SPATA16: variants seen among roughly 807,000 people sequenced by gnomAD.
The protein encoded by SPATA16 is spermatogenesis-associated protein 16.
In SPATA16, 36 loss-of-function variants were observed where a neutral mutation model predicts 63.3. The observed-to-expected ratio is 0.57, with a 90% CI of 0.44 to 0.75. SPATA16 has a LOEUF of 0.75. SPATA16 is among the 30% of genes least tolerant of loss of function. The probability of loss-of-function intolerance (pLI) is 0.00; values close to 1 mark genes in which losing one functional copy is unlikely to be tolerated. For missense variants in SPATA16, 646 were observed against 679.3 expected (o/e 0.95, Z 0.54); for synonymous variants, 203 against 216.7 (o/e 0.94, Z 0.56).
intron 5 of SPATA16, among the ~76,000 whole-genome samples, chr3:172,959,473 T>C (rs570496583): frequency 6.6e-6 from 1 of 152,168 alleles, no homozygotes; most frequent in African/African-American, 2.4e-5. Flanking sequence ...TAGAGATGGG[T>C]TCTTCCATGG....
intron 5 of SPATA16, among the ~76,000 whole-genome samples, chr3:172,964,119 A>C (rs534724312): frequency 6.6e-6 from 1 of 152,152 alleles, no homozygotes; most frequent in East Asian, 1.9e-4. Flanking sequence ...TTCATCACTC[A>C]CACCTACTGG....
intron 9 of SPATA16, among the ~76,000 whole-genome samples, chr3:172,915,778 A>T (rs1419670433): frequency 6.6e-6 from 1 of 152,130 alleles, no homozygotes; most frequent in East Asian, 1.9e-4. Flanking sequence ...AGCTAAAAAA[A>T]CCCCATCTAT....
chr3:173,070,800 A>C (rs1736656188), intron 2 of SPATA16, among the ~76,000 whole-genome samples: 1 of 152,228 alleles, frequency 6.6e-6, no homozygotes, highest in African/African-American at 2.4e-5. Context: ...CATTGATGAA[A>C]GAAATTGAAG....
At chr3:172,924,119 C>G (rs1334594565) in intron 8 of SPATA16, 89 bp downstream of exon 8, 1 of 1,092,154 alleles carries the variant, frequency 9.2e-7, no homozygotes, top group South Asian at 1.3e-5. Flanking sequence ...TCCCCTAACA[C>G]TTGCACTATT....
At chr3:172,972,676 G>GC (rs1734073997) in intron 5 of SPATA16, among the ~76,000 whole-genome samples, 1 of 151,408 alleles carries the variant, frequency 6.6e-6, no homozygotes, top group South Asian at 2.1e-4. Flanking sequence ...AAAACTATAA[G>GC]CTTTTTTTTT....
At chr3:173,036,230 A>C (rs1339760394) in intron 3 of SPATA16, among the ~76,000 whole-genome samples, 1 of 152,066 alleles carries the variant, frequency 6.6e-6, no homozygotes, top group African/African-American at 2.4e-5. Context: ...CTAAAAAATG[A>C]AATGTGTGCC....
chr3:173,095,806 C>CA (rs1737337277), intron 2 of SPATA16, among the ~76,000 whole-genome samples: 1 of 152,170 alleles, frequency 6.6e-6, no homozygotes. Context: ...TGTGCTACCA[C>CA]ATGCTACTCA....
At chr3:172,939,589 G>A (rs1471540681) in intron 6 of SPATA16, among the ~76,000 whole-genome samples, 2 of 152,218 alleles carry the variant, frequency 1.3e-5, no homozygotes, top group African/African-American at 4.8e-5. Flanking sequence ...AGCAAAATTT[G>A]TTGGTGAAGC....
intron 2 of SPATA16, among the ~76,000 whole-genome samples, chr3:173,064,907 A>G (rs932767061): frequency 1.3e-5 from 2 of 152,142 alleles, no homozygotes; most frequent in Non-Finnish European, 1.5e-5. Context: ...GAATACATCT[A>G]TTTCTCTAAG....
At chr3:172,903,450 G>A (rs965316325) in intron 10 of SPATA16, among the ~76,000 whole-genome samples, 4 of 152,292 alleles carry the variant, frequency 2.6e-5, no homozygotes, top group Non-Finnish European at 5.9e-5. Context: ...GGAAGTGGAG[G>A]TGGTAGACTT....
chr3:172,948,257 AAG>A (rs1733340168), intron 6 of SPATA16, among the ~76,000 whole-genome samples: 1 of 152,192 alleles, frequency 6.6e-6, no homozygotes, highest in Non-Finnish European at 1.5e-5. Context: ...CAACATGCAA[AAG>A]ACCTCCGATA....
intron 2 of SPATA16, among the ~76,000 whole-genome samples, chr3:173,104,794 A>C (rs543720887): frequency 6.6e-6 from 1 of 152,120 alleles, no homozygotes. Context: ...CACCCTGTCA[A>C]TCATATTTTT....
intron 1 of SPATA16, among the ~76,000 whole-genome samples, chr3:173,140,584 A>ATATC (rs1738685759): frequency 6.6e-6 from 1 of 152,122 alleles, no homozygotes; most frequent in African/African-American, 2.4e-5. Context: ...TCTCTCCCTA[A>ATATC]TATCCTACTC....
At chr3:173,105,484 T>C (rs189448860) in intron 2 of SPATA16, among the ~76,000 whole-genome samples, 4 of 152,342 alleles carry the variant, frequency 2.6e-5, no homozygotes, top group African/African-American at 9.6e-5. Context: ...CAGTTTTCTC[T>C]CAATTAATTT....
chr3:173,003,655 G>A (rs1467587335), intron 4 of SPATA16, among the ~76,000 whole-genome samples: 1 of 152,168 alleles, frequency 6.6e-6, no homozygotes, highest in Non-Finnish European at 1.5e-5. Context: ...TGCTCAAACT[G>A]ACATAAATTG....
chr3:173,012,345 A>G (rs777757707), intron 4 of SPATA16, among the ~76,000 whole-genome samples: 1 of 152,244 alleles, frequency 6.6e-6, no homozygotes, highest in African/African-American at 2.4e-5. Context: ...TAAAATGGTC[A>G]TATTGCCCAA....
At chr3:172,960,686 C>T (rs1733728071) in intron 5 of SPATA16, among the ~76,000 whole-genome samples, 1 of 151,994 alleles carries the variant, frequency 6.6e-6, no homozygotes, top group African/African-American at 2.4e-5. Flanking sequence ...AAAAGAAAAG[C>T]AATAAAAGTA....
intron 10 of SPATA16, among the ~76,000 whole-genome samples, chr3:172,912,075 G>A (rs1003993852): frequency 5.3e-5 from 8 of 152,206 alleles, no homozygotes; most frequent in South Asian, 2.1e-4. Flanking sequence ...TCTTCTGTAC[G>A]TTCTGGTTAG....
At chr3:172,999,625 G>T (rs1734771746) in intron 4 of SPATA16, among the ~76,000 whole-genome samples, 1 of 152,112 alleles carries the variant, frequency 6.6e-6, no homozygotes, top group South Asian at 2.1e-4. Flanking sequence ...TGTTGGTCAG[G>T]CTGATCTTGA....
Sources: gnomAD v4.1 joint callset for allele counts (sites outside exome capture counted in the v4.1 genomes callset) on GRCh38, gnomAD v4.1.1 for gene constraint, MANE v1.5 for transcripts, NCBI Gene and HGNC (gene_info 2026-07-23, HGNC 2026-07-21) for gene names.